Variants in SLC14A2 observed in about 807,000 individuals in gnomAD.
The protein encoded by SLC14A2 is solute carrier family 14 member 2, also known as urea transporter 2.
Under a neutral mutation model 104.6 loss-of-function variants are expected in SLC14A2, and 91 were observed. The observed-to-expected ratio is 0.87, with a 90% CI of 0.73 to 1.04. The LOEUF is 1.04. Ranked by LOEUF, SLC14A2 falls within the 50% of genes least tolerant of loss-of-function variation. SLC14A2 has a pLI of 0.00. For synonymous variants in SLC14A2, 476 were observed against 466.4 expected (o/e 1.02, Z -0.27); for missense variants, 1,189 against 1,156.0 (o/e 1.03, Z -0.41).
intron 7 of SLC14A2, among the ~76,000 whole-genome samples, chr18:45,640,325 T>C (rs1412361827): frequency 6.6e-6 from 1 of 150,760 alleles, no homozygotes; most frequent in Non-Finnish European, 1.5e-5. Flanking sequence ...AAGAACCAAG[T>C]TGGCCTGCAA....
chr18:45,485,962 T>A (rs997748077), intron 2 of SLC14A2, among the ~76,000 whole-genome samples: 1 of 152,064 alleles, frequency 6.6e-6, no homozygotes, highest in Non-Finnish European at 1.5e-5. Context: ...AAGGAAGCCA[T>A]GTTTTTCTCA....
At chr18:45,399,156 C>T (rs1265571681) in intron 1 of SLC14A2, among the ~76,000 whole-genome samples, 4 of 152,154 alleles carry the variant, frequency 2.6e-5, no homozygotes, top group African/African-American at 4.8e-5. Flanking sequence ...AAGAAACTAA[C>T]GCATGTTCAC....
chr18:45,233,751 A>G (rs868586650), intron 1 of SLC14A2, among the ~76,000 whole-genome samples: 1 of 71,482 alleles, frequency 1.4e-5, no homozygotes, highest in Non-Finnish European at 2.9e-5. Context: ...TTCCCGCCCC[A>G]CCCCCCGCTT....
rs549975565 is a variant in SLC14A2 at position 45,537,814 on chromosome 18, A to T, written c.-35+54492A>T. Among the ~76,000 whole-genome samples, 281 of 152,306 alleles carry T rather than the reference A, an allele frequency of 1.8e-3. 1 individual carries two copies. Among genetic ancestry groups the T allele is most frequent in the African/African-American group, 6.3e-3 (262 of 41,578 alleles). On this transcript the variant is annotated intron_variant, in intron 2 of 20. Transcript: ENST00000586448. ...GCAATGGGGAAATCTATGGAGCAGC[A>T]GGTTGGGAGATTGACCAGGAGTTGA... is the stretch of plus-strand genomic sequence containing the variant.
chr18:45,516,106 A>T (rs993161495), intron 2 of SLC14A2, among the ~76,000 whole-genome samples: 1 of 152,220 alleles, frequency 6.6e-6, no homozygotes, highest in African/African-American at 2.4e-5. Flanking sequence ...GCTCTGCTAT[A>T]CCAAGCATAA....
At chr18:45,321,596 A>T (rs2085185756) in intron 1 of SLC14A2, among the ~76,000 whole-genome samples, 1 of 152,176 alleles carries the variant, frequency 6.6e-6, no homozygotes, top group African/African-American at 2.4e-5. Flanking sequence ...TGAGGGAAAG[A>T]CAGAGTCCCT....
At chr18:45,648,393 G>A (rs910373214) in intron 10 of SLC14A2, among the ~76,000 whole-genome samples, 3 of 151,902 alleles carry the variant, frequency 2.0e-5, no homozygotes, top group Non-Finnish European at 4.4e-5. Context: ...TTTTAGTAGA[G>A]ATGGGGTTTC....
At chr18:45,375,232 G>A (rs893295642) in intron 1 of SLC14A2, among the ~76,000 whole-genome samples, 9 of 152,268 alleles carry the variant, frequency 5.9e-5, no homozygotes, top group Middle Eastern at 6.8e-3. Flanking sequence ...GCCTTTGTAG[G>A]ACTTACAAGT....
intron 1 of SLC14A2, among the ~76,000 whole-genome samples, chr18:45,346,243 C>T (rs923291403): frequency 3.9e-5 from 6 of 152,192 alleles, no homozygotes; most frequent in African/African-American, 1.4e-4. Context: ...GCAACCTCTG[C>T]CTCCCAGGTT....
chr18:45,610,169 T>A (rs2044949177), intron 2 of SLC14A2, among the ~76,000 whole-genome samples: 1 of 152,026 alleles, frequency 6.6e-6, no homozygotes, highest in Non-Finnish European at 1.5e-5. Context: ...CAGACCTGAG[T>A]GAGCCCAGGA....
chr18:45,584,744 T>G (rs2044543654), intron 2 of SLC14A2, among the ~76,000 whole-genome samples: 1 of 152,174 alleles, frequency 6.6e-6, no homozygotes, highest in Non-Finnish European at 1.5e-5. Context: ...AGCTAGAAAA[T>G]TCCTTCATCT....
intron 2 of SLC14A2, among the ~76,000 whole-genome samples, chr18:45,557,675 C>T (rs2044150337): frequency 2.0e-5 from 3 of 152,158 alleles, no homozygotes; most frequent in Admixed American, 2.0e-4. Context: ...ATATATTGGG[C>T]CTGGAGTTTG....
At chr18:45,178,183 G>A in the SLC14A2 span, among the ~76,000 whole-genome samples, 2 of 152,042 alleles carry the variant, frequency 1.3e-5, no homozygotes, top group African/African-American at 4.8e-5. Flanking sequence ...AACACTTAAA[G>A]CAATAGTAAA....
rs898754331 is a variant in SLC14A2 at position 45,392,470 on chromosome 18, A to G, written c.-124-90763A>G. Among the ~76,000 whole-genome samples the G allele has an allele frequency of 2.0e-5, 3 of 152,232 alleles. No homozygotes were observed. In the East Asian group the frequency reaches 5.8e-4, roughly 29 times the overall value. On this transcript the variant is annotated intron_variant, in intron 1 of 20. Transcript: ENST00000586448. ...ACATAATATTCACCCAGCCTTCACC[A>G]TAGCTCTGTTTAAAACAGGTCAGAA...
chr18:45,286,372 C>G (rs11660474), intron 1 of SLC14A2, among the ~76,000 whole-genome samples: 1 of 152,026 alleles, frequency 6.6e-6, no homozygotes. Context: ...CTTTTTACGT[C>G]CCAGGTCTGC....
At chr18:45,315,672 T>C (rs2085122252) in intron 1 of SLC14A2, among the ~76,000 whole-genome samples, 1 of 152,092 alleles carries the variant, frequency 6.6e-6, no homozygotes, top group African/African-American at 2.4e-5. Flanking sequence ...TAAATGCTTG[T>C]ATTTTGGCCG....
intron 1 of SLC14A2, among the ~76,000 whole-genome samples, chr18:45,229,992 A>G (rs1274095915): frequency 2.6e-5 from 4 of 152,222 alleles, no homozygotes; most frequent in Non-Finnish European, 5.9e-5. Context: ...TAGGGTCAAC[A>G]ATAAAACATA....
intron 1 of SLC14A2, among the ~76,000 whole-genome samples, chr18:45,457,017 C>G (rs1395859461): frequency 6.6e-6 from 1 of 152,038 alleles, no homozygotes; most frequent in African/African-American, 2.4e-5. Context: ...ACCTGGAGAC[C>G]TCAGGGCTGC....
intron 1 of SLC14A2, among the ~76,000 whole-genome samples, chr18:45,388,230 T>C (rs2085922494): frequency 6.6e-6 from 1 of 151,794 alleles, no homozygotes; most frequent in African/African-American, 2.4e-5. Flanking sequence ...GCCCGGCTAA[T>C]TTTTTGTATT....
Sources: gnomAD v4.1 joint callset for allele counts (sites outside exome capture counted in the v4.1 genomes callset) on GRCh38, gnomAD v4.1.1 for gene constraint, MANE v1.5 for transcripts, NCBI Gene and HGNC (gene_info 2026-07-23, HGNC 2026-07-21) for gene names.